The following PLCL1 variants were observed in gnomAD, a reference collection of about 807,000 sequenced individuals.
PLCL1 encodes phospholipase C like 1 (inactive).
In PLCL1, 41 loss-of-function variants were observed where a neutral mutation model predicts 84.4. The observed-to-expected ratio is 0.49, with a 90% CI of 0.38 to 0.63. The LOEUF is 0.63. Ranked by LOEUF, PLCL1 falls within the 30% of genes least tolerant of loss-of-function variation. PLCL1 has a pLI of 0.00. For missense variants in PLCL1, 1,206 were observed against 1,367.8 expected (o/e 0.88, Z 1.87); for synonymous variants, 490 against 488.3 (o/e 1.00, Z -0.05).
intron 1 of PLCL1, among the ~76,000 whole-genome samples, chr2:197,889,479 CA>C (rs1205900330): frequency 6.6e-6 from 1 of 152,098 alleles, no homozygotes; most frequent in Non-Finnish European, 1.5e-5. Flanking sequence ...CTTCTGCTTA[CA>C]CTGAGTTTTA....
At chr2:198,109,453 A>G (rs1307579302) in intron 5 of PLCL1, among the ~76,000 whole-genome samples, 3 of 151,892 alleles carry the variant, frequency 2.0e-5, no homozygotes, top group African/African-American at 7.2e-5. Context: ...GGTTGTTAAC[A>G]TAATATTAAA....
intron 1 of PLCL1, among the ~76,000 whole-genome samples, chr2:198,000,357 G>A (rs1420826034): frequency 1.3e-5 from 2 of 152,132 alleles, no homozygotes; most frequent in East Asian, 1.9e-4. Context: ...GTGTGATGCC[G>A]AGGTTTGGGG....
chr2:197,833,946 T>C (rs1165771930), intron 1 of PLCL1, among the ~76,000 whole-genome samples: 1 of 152,178 alleles, frequency 6.6e-6, no homozygotes, highest in Non-Finnish European at 1.5e-5. Context: ...CAAAACAGCA[T>C]GGTACTGGTA....
intron 1 of PLCL1, among the ~76,000 whole-genome samples, chr2:198,074,298 G>T: frequency 6.6e-6 from 1 of 152,086 alleles, no homozygotes; most frequent in East Asian, 1.9e-4. Flanking sequence ...AACTGTAAAT[G>T]ATTTTCTTAT....
At chr2:197,999,323 C>T (rs1452117076) in intron 1 of PLCL1, among the ~76,000 whole-genome samples, 1 of 152,180 alleles carries the variant, frequency 6.6e-6, no homozygotes, top group East Asian at 1.9e-4. Flanking sequence ...TCATTTAGCA[C>T]AGCACCTGGA....
chr2:198,067,966 G>T (rs187554539), intron 1 of PLCL1, among the ~76,000 whole-genome samples: 2 of 152,266 alleles, frequency 1.3e-5, no homozygotes, highest in Admixed American at 1.3e-4. Flanking sequence ...TCATGCAAGT[G>T]TTATTAAGAA....
intron 1 of PLCL1, among the ~76,000 whole-genome samples, chr2:197,897,010 T>C (rs1032025222): frequency 6.6e-6 from 1 of 152,264 alleles, no homozygotes; most frequent in Non-Finnish European, 1.5e-5. Flanking sequence ...ATTAGAAAAC[T>C]ATATACTGCT....
At chr2:197,988,422 C>A (rs1380528868) in intron 1 of PLCL1, among the ~76,000 whole-genome samples, 4 of 152,138 alleles carry the variant, frequency 2.6e-5, no homozygotes, top group Non-Finnish European at 5.9e-5. Flanking sequence ...ACTCTGCATG[C>A]CTTTGCCTAC....
intron 1 of PLCL1, among the ~76,000 whole-genome samples, chr2:197,996,912 G>A (rs540995274): frequency 3.9e-5 from 6 of 152,284 alleles, no homozygotes; most frequent in South Asian, 4.1e-4. Context: ...TGGCATTAGC[G>A]TACCAGGGCT....
At chr2:197,943,062 C>A (rs1392100199) in intron 1 of PLCL1, among the ~76,000 whole-genome samples, 1 of 151,676 alleles carries the variant, frequency 6.6e-6, no homozygotes, top group Non-Finnish European at 1.5e-5. Context: ...AAAAAATTAG[C>A]CAAGTGCAGT....
Position 197,850,031 on chromosome 2 carries a change from GACACACACACACACACAC to G in PLCL1, c.240+44723_240+44740del, listed in dbSNP as rs5837563. The stretch of plus-strand genomic sequence containing the variant: ...ACACACAGACACACAGACACACACA[GACACACACACACACACAC>G]ACACACACACACACACACACACACA... On this transcript the variant is annotated intron_variant, in intron 1 of 5. Coordinates refer to ENST00000428675, the MANE Select transcript of PLCL1 (RefSeq NM_006226.4). Among the ~76,000 whole-genome samples the G allele has an allele frequency of 8.1e-4, 109 of 135,036 alleles. 1 individual carries two copies. Among genetic ancestry groups the G allele is most frequent in the Middle Eastern group, 3.8e-3 (1 of 266 alleles). 88.6% of individuals were successfully genotyped at this position (135,036 alleles called of 152,430 possible).
chr2:198,048,961 T>C (rs1409669760), intron 1 of PLCL1, among the ~76,000 whole-genome samples: 1 of 152,202 alleles, frequency 6.6e-6, no homozygotes, highest in Non-Finnish European at 1.5e-5. Context: ...GAATGGCTTA[T>C]GCCTCAAGTT....
chr2:198,035,825 A>G (rs910170953), intron 1 of PLCL1, among the ~76,000 whole-genome samples: 66 of 152,376 alleles, frequency 4.3e-4, no homozygotes, highest in Non-Finnish European at 4.4e-5. Flanking sequence ...ACCTGAGGTC[A>G]GGAGTTTGAG....
chr2:197,936,135 C>CCT (rs1487925053), intron 1 of PLCL1, among the ~76,000 whole-genome samples: 1 of 145,352 alleles, frequency 6.9e-6, no homozygotes, highest in Non-Finnish European at 1.5e-5. Context: ...TTAAACACCC[C>CCT]CCCCCTCACA....
intron 1 of PLCL1, among the ~76,000 whole-genome samples, chr2:198,053,941 C>T (rs1240414657): frequency 2.0e-5 from 3 of 152,152 alleles, no homozygotes; most frequent in Admixed American, 6.5e-5. Context: ...CAGTGTATTG[C>T]AGCTGCAGGA....
chr2:198,029,730 A>G (rs1203990845), intron 1 of PLCL1, among the ~76,000 whole-genome samples: 1 of 149,980 alleles, frequency 6.7e-6, no homozygotes, highest in Non-Finnish European at 1.5e-5. Flanking sequence ...TTTTTGAGAC[A>G]GTCTCAAAAA....
chr2:197,959,943 A>G (rs774249346), intron 1 of PLCL1, among the ~76,000 whole-genome samples: 1 of 152,034 alleles, frequency 6.6e-6, no homozygotes, highest in East Asian at 1.9e-4. Context: ...CCTTGCCTCC[A>G]TAGCTACTAA....
At chr2:197,972,563 TA>T (rs1559060818) in intron 1 of PLCL1, among the ~76,000 whole-genome samples, 1 of 152,322 alleles carries the variant, frequency 6.6e-6, no homozygotes, top group South Asian at 2.1e-4. Flanking sequence ...TATCCATCTT[TA>T]AAAATGTACA....
chr2:198,123,191 G>A (rs1415876931), intron 5 of PLCL1, among the ~76,000 whole-genome samples: 1 of 152,074 alleles, frequency 6.6e-6, no homozygotes, highest in African/African-American at 2.4e-5. Context: ...GGAAGGGTTT[G>A]TTATTCATGT....
Sources: allele counts gnomAD v4.1 joint callset (sites outside exome capture counted in the v4.1 genomes callset), GRCh38; gene constraint gnomAD v4.1.1; transcripts MANE v1.5; gene names NCBI Gene and HGNC (gene_info 2026-07-23, HGNC 2026-07-21).